The following THRAP3 variants were observed in gnomAD, a reference collection of about 807,000 sequenced individuals.
THRAP3 encodes the protein thyroid hormone receptor associated protein 3.
Under a neutral mutation model 101.0 loss-of-function variants are expected in THRAP3, and 16 were observed. That is an observed-to-expected ratio of 0.16 (90% CI 0.11 to 0.24). The LOEUF (loss-of-function observed/expected upper bound fraction) is 0.24. Ranked by LOEUF, THRAP3 falls within the 10% of genes least tolerant of loss-of-function variation. The probability of loss-of-function intolerance (pLI) is 1.00; values close to 1 mark genes in which losing one functional copy is unlikely to be tolerated. For synonymous variants in THRAP3, 407 were observed against 422.6 expected (o/e 0.96, Z 0.45); for missense variants, 989 against 1,202.7 (o/e 0.82, Z 2.63).
intron 10 of THRAP3, 30 bp downstream of exon 10, chr1:36,301,114 G>C: frequency 6.2e-7 from 1 of 1,605,108 alleles, no homozygotes; most frequent in Non-Finnish European, 8.5e-7. Flanking sequence ...CCCTTTCTCT[G>C]AGACCCTTGC....
At chr1:36,241,381 G>C (rs1271330566) in intron 1 of THRAP3, among the ~76,000 whole-genome samples, 2 of 10,970 alleles carry the variant, frequency 1.8e-4, no homozygotes, top group Admixed American at 1.6e-3. Flanking sequence ...AAATGATAAT[G>C]GGTGTATATA....
At chr1:36,301,338 G>C (rs541364015) in intron 10 of THRAP3, among the ~76,000 whole-genome samples, 5 of 152,312 alleles carry the variant, frequency 3.3e-5, no homozygotes, top group African/African-American at 1.2e-4. Context: ...GACTACTGCT[G>C]TTTATAGGGA....
chr1:36,273,838 T>G (rs1215014689), intron 2 of THRAP3, among the ~76,000 whole-genome samples: 1 of 152,014 alleles, frequency 6.6e-6, no homozygotes, highest in Non-Finnish European at 1.5e-5. Context: ...GTCAGGAGTT[T>G]GAGACCAGCC....
intron 1 of THRAP3, among the ~76,000 whole-genome samples, chr1:36,238,835 C>G (rs549734518): frequency 6.6e-6 from 1 of 152,160 alleles, no homozygotes; most frequent in African/African-American, 2.4e-5. Flanking sequence ...CTGAGAGGAT[C>G]GAGTGATCCT....
At chr1:36,281,094 A>G (rs1360886171) in intron 2 of THRAP3, among the ~76,000 whole-genome samples, 2 of 151,844 alleles carry the variant, frequency 1.3e-5, no homozygotes, top group Non-Finnish European at 2.9e-5. Context: ...TTTAGTAGAG[A>G]TGGGGTTTCA....
rs149092648 is a variant in THRAP3 at position 36,285,670 on chromosome 1, T to A, written c.138-698T>A. ...CTTGTGGCACCTAGTTAAGATCATG[T>A]AGCTCAGCCACAGAAATATGACCTA... On this transcript the variant is annotated intron_variant, in intron 3 of 11. Transcript: ENST00000354618. Among the ~76,000 whole-genome samples, 189 of 152,342 alleles carry A rather than the reference T, an allele frequency of 1.2e-3. 3 individuals are homozygous for A. In the East Asian group the frequency reaches 0.033, roughly 26 times the overall value.
intron 2 of THRAP3, among the ~76,000 whole-genome samples, chr1:36,268,173 C>T (rs577087192): frequency 6.6e-6 from 1 of 151,164 alleles, no homozygotes; most frequent in African/African-American, 2.4e-5. Context: ...CAGTGCGAGA[C>T]TCTGTCTCAA....
At chr1:36,294,349 C>T (rs1247988164) in intron 8 of THRAP3, 1 of 516,846 alleles carries the variant, frequency 1.9e-6, no homozygotes, top group Non-Finnish European at 2.5e-6. Context: ...CTTAAGTAGA[C>T]TGTTTTTAAA....
At chr1:36,235,218 A>G (rs1645071867) in intron 1 of THRAP3, among the ~76,000 whole-genome samples, 1 of 152,218 alleles carries the variant, frequency 6.6e-6, no homozygotes, top group Non-Finnish European at 1.5e-5. Flanking sequence ...GGTATTCAGC[A>G]CATGAATATC....
At chr1:36,282,780 T>C (rs1379949497) in intron 3 of THRAP3, 80 bp downstream of exon 3, 13 of 1,525,296 alleles carry the variant, frequency 8.5e-6, no homozygotes. Context: ...TGTTAGACTT[T>C]TCCTGTGAGT....
intron 3 of THRAP3, 129 bp downstream of exon 3, chr1:36,282,829 GGGC>G: frequency 2.1e-6 from 2 of 949,122 alleles, no homozygotes; most frequent in South Asian, 3.1e-5. Context: ...GTGCAGGGTT[GGGC>G]TATAAGATAT....
At chr1:36,210,682 T>C in the THRAP3 span, among the ~76,000 whole-genome samples, 2 of 92,746 alleles carry the variant, frequency 2.2e-5, no homozygotes, top group Non-Finnish European at 4.1e-5. Context: ...AGAGCAAGAC[T>C]CTGTCTCAAA....
At chr1:36,273,207 G>A (rs973750518) in intron 2 of THRAP3, among the ~76,000 whole-genome samples, 1 of 152,164 alleles carries the variant, frequency 6.6e-6, no homozygotes, top group East Asian at 1.9e-4. Context: ...ATCGAATGTA[G>A]CATTATCTAA....
intron 9 of THRAP3, among the ~76,000 whole-genome samples, chr1:36,298,773 T>C (rs2124641027): frequency 6.6e-6 from 1 of 152,056 alleles, no homozygotes; most frequent in Middle Eastern, 3.4e-3. Context: ...TCCCAAAGCA[T>C]GGGATTACAG....
upstream of THRAP3, among the ~76,000 whole-genome samples, chr1:36,219,599 T>G (rs2124298613): frequency 6.6e-6 from 1 of 151,800 alleles, no homozygotes; most frequent in African/African-American, 2.4e-5. Context: ...TAACTTTTTT[T>G]TTTTTTTTAA....
At chr1:36,233,460 C>T (rs866077733) in intron 1 of THRAP3, among the ~76,000 whole-genome samples, 2 of 150,236 alleles carry the variant, frequency 1.3e-5, no homozygotes, top group Admixed American at 6.7e-5. Flanking sequence ...GAACGGAGAT[C>T]GTGTGACTGC....
upstream of THRAP3, among the ~76,000 whole-genome samples, chr1:36,221,378 T>C (rs1187981914): frequency 2.7e-5 from 4 of 150,792 alleles, no homozygotes. Flanking sequence ...AAAGAAATAG[T>C]CAACTTTTCA....
chr1:36,238,726 G>C (rs1166102278), intron 1 of THRAP3, among the ~76,000 whole-genome samples: 1 of 152,030 alleles, frequency 6.6e-6, no homozygotes, highest in African/African-American at 2.4e-5. Context: ...TTTTTTTGGA[G>C]ACAAGGTCTT....
chr1:36,275,578 C>G (rs1156300940), intron 2 of THRAP3, among the ~76,000 whole-genome samples: 1 of 105,996 alleles, frequency 9.4e-6, no homozygotes, highest in African/African-American at 3.6e-5. Context: ...CAGAGCAAGA[C>G]TCTGTCTCAA....
Sources: allele counts gnomAD v4.1 joint callset (sites outside exome capture counted in the v4.1 genomes callset), GRCh38; gene constraint gnomAD v4.1.1; transcripts MANE v1.5; gene names NCBI Gene and HGNC (gene_info 2026-07-23, HGNC 2026-07-21).